Variants in KRTAP6-2 observed in about 807,000 individuals in gnomAD.
KRTAP6-2 encodes keratin associated protein 6-2.
In KRTAP6-2, 1 loss-of-function variant was observed where a neutral mutation model predicts 0.4. That is an observed-to-expected ratio of 2.37 (90% CI 0.84 to 11.25). The LOEUF is 11.25. KRTAP6-2 is among the 30% of genes most tolerant of loss of function. The probability of loss-of-function intolerance (pLI) is 0.12; values close to 1 mark genes in which losing one functional copy is unlikely to be tolerated. For synonymous variants in KRTAP6-2, 39 were observed against 34.2 expected, an observed-to-expected ratio of 1.14 and a Z score of -0.49; for missense variants, 87 against 82.0, an observed-to-expected ratio of 1.06 and a Z score of -0.23.
rs150811972 is a variant in KRTAP6-2, at chr21:30,598,868, C to T, written c.7G>A (p.Gly3Ser). The T allele has an allele frequency of 4.1e-5, 66 of 1,613,534 alleles. No individual in the cohort carries two copies. Among genetic ancestry groups the T allele is most frequent in the Non-Finnish European group, 5.3e-5 (62 of 1,179,648 alleles). Residue 3 changes from glycine to serine, a missense_variant, in exon 1 of 1, where the codon GGC becomes AGC. Gly to Ser is a moderately conservative substitution (Grantham distance 56). Transcript: ENST00000334897. ...CCGTAGTAGTTTCCGTAGTAGCTGC[C>T]GCACATCGTGATGGTTGTGGAGGTT...
chr21:30,598,619 G>A, exon 1 of KRTAP6-2: 1 of 1,540,956 alleles, frequency 6.5e-7, no homozygotes, highest in Non-Finnish European at 8.8e-7. Context: ...CGAGCTCAGA[G>A]CATACGGGGT....
At chr21:30,598,814 C>T (rs1204080140) in exon 1 of KRTAP6-2, 11 of 1,613,704 alleles carry the variant, frequency 6.8e-6, no homozygotes, top group Non-Finnish European at 9.3e-6. Flanking sequence ...CCTAGGCCTT[C>T]GTATCCACAG....
chr21:30,598,609 C>A, exon 1 of KRTAP6-2: 1 of 1,483,628 alleles, frequency 6.7e-7, no homozygotes. Context: ...CATCCAGCCC[C>A]GAGCTCAGAG....
exon 1 of KRTAP6-2, chr21:30,598,869 G>A (rs201729927): frequency 6.7e-5 from 108 of 1,613,312 alleles, no homozygotes; most frequent in East Asian, 4.2e-4. Context: ...AGTAGCTGCC[G>A]CACATCGTGA....
chr21:30,598,691 A>G, exon 1 of KRTAP6-2: 1 of 1,613,356 alleles, frequency 6.2e-7, no homozygotes, highest in Non-Finnish European at 8.5e-7. Context: ...TGTCCTCAAT[A>G]GTAGTAGCCA....
At chr21:30,598,753 C>G (rs770836327) in exon 1 of KRTAP6-2, 2 of 1,605,662 alleles carry the variant, frequency 1.2e-6, no homozygotes, top group Admixed American at 1.7e-5. Flanking sequence ...GTAGCCATGA[C>G]CATAGCCACA....
At chr21:30,598,762 C>T (rs1342086646) in exon 1 of KRTAP6-2, 1 of 1,606,530 alleles carries the variant, frequency 6.2e-7, no homozygotes, top group South Asian at 1.1e-5. Flanking sequence ...ACCATAGCCA[C>T]AGCAGGAGCT....
At chr21:30,598,726 CAGA>C (rs1568894966) in exon 1 of KRTAP6-2, 1 of 1,611,490 alleles carries the variant, frequency 6.2e-7, no homozygotes, top group Non-Finnish European at 8.5e-7. Context: ...GCCACAGCCA[CAGA>C]AGAAGCGGGA....
chr21:30,598,662 G>A (rs575477595), exon 1 of KRTAP6-2: 8 of 1,602,404 alleles, frequency 5.0e-6, no homozygotes, highest in African/African-American at 4.0e-5. Flanking sequence ...TCACAGGATA[G>A]AGGATGAGTC....
exon 1 of KRTAP6-2, chr21:30,598,661 AGAG>A (rs1243862688): frequency 6.2e-7 from 1 of 1,600,526 alleles, no homozygotes; most frequent in African/African-American, 1.3e-5. Context: ...GTCACAGGAT[AGAG>A]GATGAGTCTC....
At chr21:30,598,821 A>G (rs756338080) in exon 1 of KRTAP6-2, 2 of 1,614,010 alleles carry the variant, frequency 1.2e-6, no homozygotes, top group East Asian at 2.2e-5. Flanking sequence ...CTTCGTATCC[A>G]CAGCACCCAT....
At chr21:30,598,646 C>A (rs1228001557) in exon 1 of KRTAP6-2, 1 of 1,578,246 alleles carries the variant, frequency 6.3e-7, no homozygotes, top group South Asian at 1.1e-5. Flanking sequence ...TTGGTGAATC[C>A]CGATGTCACA....
exon 1 of KRTAP6-2, chr21:30,598,741 C>A (rs1308846052): frequency 6.2e-7 from 1 of 1,608,416 alleles, no homozygotes; most frequent in African/African-American, 1.3e-5. Flanking sequence ...GAAGCGGGAG[C>A]CGTAGCCATG....
exon 1 of KRTAP6-2, chr21:30,598,859 A>G (rs1980255113): frequency 1.9e-6 from 3 of 1,613,874 alleles, no homozygotes; most frequent in Non-Finnish European, 2.5e-6. Flanking sequence ...TAGTTTCCGT[A>G]GTAGCTGCCG....
chr21:30,598,871 A>T lies in KRTAP6-2; in HGVS notation c.4T>A (p.Cys2Ser). 6.2e-7 allele frequency: 1 copy of T among 1,613,682 alleles called. No homozygotes were observed. Among genetic ancestry groups the T allele is most frequent in the African/African-American group, 1.3e-5 (1 of 75,032 alleles). ...TAGTAGTTTCCGTAGTAGCTGCCGC[A>T]CATCGTGATGGTTGTGGAGGTTGTC... is the stretch of plus-strand genomic sequence containing the variant. Residue 2 changes from cysteine (C) to serine (S), a missense_variant, in exon 1 of 1, where the codon TGC becomes AGC. Cys to Ser is a moderately radical substitution (Grantham distance 112). Transcript: ENST00000334897.
Position 30,598,693 on chromosome 21 carries a change from T to C in KRTAP6-2, c.182A>G (p.Tyr61Cys), listed in dbSNP as rs762934434. 6.8e-6 allele frequency: 11 copies of C among 1,613,264 alleles called. No individual in the cohort carries two copies. The East Asian group carries it at 2.2e-4, about 33-fold the overall frequency. ...GAGTCTCCCACGGTGTCCTCAATAG[T>C]AGTAGCCAGAGCCGCATCCATAGCC... Residue 61 changes from tyrosine to cysteine, a missense_variant, in exon 1 of 1, where the codon TAC becomes TGC. Coordinates refer to ENST00000334897, the Ensembl canonical transcript of KRTAP6-2.
At chr21:30,598,628 G>A in exon 1 of KRTAP6-2, 1 of 1,557,890 alleles carries the variant, frequency 6.4e-7, no homozygotes, top group Non-Finnish European at 8.7e-7. Context: ...AGCATACGGG[G>A]TTCAGAATTG....
Position 30,598,844 on chromosome 21 carries a change from C to A in KRTAP6-2, c.31G>T (p.Gly11Cys), listed in dbSNP as rs533416500. ...CCACAGCACCCATAGCCATGGTCGC[C>A]GTAGTAGTTTCCGTAGTAGCTGCCG... is the stretch of plus-strand genomic sequence containing the variant. The change falls in exon 1 of 1, where the codon GGC (glycine) becomes TGC (cysteine). Residue 11 changes from glycine to cysteine, a missense_variant. Gly to Cys is a radical substitution (Grantham distance 159, BLOSUM62 -3). Coordinates refer to ENST00000334897, the Ensembl canonical transcript of KRTAP6-2. 64 of 1,613,966 alleles carry A rather than the reference C, an allele frequency of 4.0e-5. 1 individual carries two copies. In the South Asian group the frequency reaches 6.7e-4, roughly 17 times the overall value.
At chr21:30,598,810 C>G in exon 1 of KRTAP6-2, 1 of 1,613,772 alleles carries the variant, frequency 6.2e-7, no homozygotes, top group Admixed American at 1.7e-5. Context: ...ATAGCCTAGG[C>G]CTTCGTATCC....
Sources: allele counts gnomAD v4.1 joint callset, GRCh38; gene constraint gnomAD v4.1.1; transcripts MANE v1.5; gene names NCBI Gene and HGNC (gene_info 2026-07-23, HGNC 2026-07-21).